Variants in OPHN1 observed in about 807,000 individuals in gnomAD.
OPHN1 encodes oligophrenin 1, also known as oligophrenin-1.
OPHN1 carries 11 observed loss-of-function variants against 60.7 expected under a neutral mutation model. The observed-to-expected ratio is 0.18, with a 90% CI of 0.11 to 0.30. OPHN1 has a LOEUF of 0.30. OPHN1 is among the 10% of genes least tolerant of loss of function. OPHN1 has a pLI of 1.00. For synonymous variants in OPHN1, 226 were observed against 222.6 expected (o/e 1.02, Z -0.14); for missense variants, 449 against 611.0 (o/e 0.73, Z 2.80).
At chrX:68,211,498 T>C (rs924239041) in intron 8 of OPHN1, among the ~76,000 whole-genome samples, 3 of 112,793 alleles carry the variant, frequency 2.7e-5, no homozygotes, top group African/African-American at 9.7e-5. Flanking sequence ...TCCAGTGCCT[T>C]TCACATGCCT....
At chrX:68,295,718 A>G (rs1481110044) in intron 3 of OPHN1, among the ~76,000 whole-genome samples, 1 of 112,196 alleles carries the variant, frequency 8.9e-6, no homozygotes, top group African/African-American at 3.2e-5. Flanking sequence ...TATTCAGGGT[A>G]AGTCCTAGAG....
intron 23 of OPHN1, among the ~76,000 whole-genome samples, chrX:68,052,159 G>A (rs1017198960): frequency 4.5e-5 from 5 of 111,068 alleles, no homozygotes; most frequent in Non-Finnish European, 7.5e-5. Context: ...GCATGATGGC[G>A]TGCACCTGTA....
intron 3 of OPHN1, among the ~76,000 whole-genome samples, chrX:68,297,059 G>T (rs2078099081): frequency 9.0e-6 from 1 of 111,061 alleles, no homozygotes; most frequent in Non-Finnish European, 1.9e-5. Flanking sequence ...TGGTGGCTTT[G>T]GTATCAATAG....
chrX:68,281,150 A>G (rs1295385328), intron 4 of OPHN1, among the ~76,000 whole-genome samples: 1 of 111,969 alleles, frequency 8.9e-6, no homozygotes, highest in Non-Finnish European at 1.9e-5. Flanking sequence ...CCTGACTTCA[A>G]TGCTTTTTAC....
rs1466016935 is a variant in OPHN1, at chrX:68,426,530, T to C, written c.154+6337A>G. On this transcript the variant is annotated intron_variant, in intron 2 of 24. Transcript: ENST00000355520. ...ACGTATATATGTGGGTTTAGTGATA[T>C]ATTTTTTTTCTGACATCTGTTTTAT... is the stretch of plus-strand genomic sequence containing the variant. 1.4e-4 allele frequency among the ~76,000 whole-genome samples: 6 copies of C among 41,860 alleles called. No homozygotes were observed. In the Admixed American group the frequency reaches 1.6e-3, roughly 11 times the overall value. The allele number at this position is 41,860 out of a possible 115,157, so 36.4% of individuals were successfully genotyped here. A position where few individuals can be genotyped will look rare whatever the true frequency, so the allele number is the denominator to read the frequency against.
chrX:68,258,015 G>A (rs1233355782), intron 5 of OPHN1, among the ~76,000 whole-genome samples: 6 of 109,497 alleles, frequency 5.5e-5, no homozygotes, highest in South Asian at 8.1e-4. Context: ...AAAGGGCACC[G>A]GGATAGGGAG....
intron 3 of OPHN1, among the ~76,000 whole-genome samples, chrX:68,284,782 A>C (rs1206012941): frequency 8.9e-6 from 1 of 111,931 alleles, no homozygotes; most frequent in Non-Finnish European, 1.9e-5. Context: ...CATTTCTCAT[A>C]AATGGAAACA....
At chrX:68,318,028 C>T (rs2078217610) in intron 2 of OPHN1, among the ~76,000 whole-genome samples, 1 of 112,179 alleles carries the variant, frequency 8.9e-6, no homozygotes, top group South Asian at 3.7e-4. Flanking sequence ...CAACACCAAG[C>T]AATCTGCCAC....
At chrX:68,053,176 C>T (rs1293431308) in intron 22 of OPHN1, among the ~76,000 whole-genome samples, 3 of 111,576 alleles carry the variant, frequency 2.7e-5, no homozygotes, top group African/African-American at 9.8e-5. Context: ...GCTCAGCTCC[C>T]ACCCTGTAAG....
chrX:68,173,505 T>C (rs2077400269), intron 15 of OPHN1, among the ~76,000 whole-genome samples: 1 of 111,309 alleles, frequency 9.0e-6, no homozygotes, highest in Admixed American at 9.6e-5. Context: ...AGAAAGACAC[T>C]TGTTCACACC....
intron 2 of OPHN1, among the ~76,000 whole-genome samples, chrX:68,304,967 A>G (rs1477461205): frequency 8.9e-6 from 1 of 112,069 alleles, no homozygotes; most frequent in Non-Finnish European, 1.9e-5. Flanking sequence ...GAATTTGTCA[A>G]AAACAATCAT....
intron 21 of OPHN1, among the ~76,000 whole-genome samples, chrX:68,058,544 G>C (rs994035634): frequency 9.0e-6 from 1 of 111,201 alleles, no homozygotes; most frequent in Non-Finnish European, 1.9e-5. Context: ...GGTAGGGACA[G>C]GTTGTGGGTT....
At chrX:68,416,067 T>TAG (rs1171250178) in intron 2 of OPHN1, among the ~76,000 whole-genome samples, 112 of 8,289 alleles carry the variant, frequency 0.014, no homozygotes, top group Non-Finnish European at 0.035. Context: ...TATATATATA[T>TAG]AGAGAGAGAG....
At chrX:68,237,959 T>G (rs2077761011) in intron 5 of OPHN1, among the ~76,000 whole-genome samples, 1 of 112,366 alleles carries the variant, frequency 8.9e-6, no homozygotes, top group South Asian at 3.7e-4. Flanking sequence ...GATTTTAGTC[T>G]TTCCCTTATG....
rs774890993 is a variant in OPHN1, at chrX:68,163,068, T to C, written c.1276+29851A>G. Among the ~76,000 whole-genome samples, 3 of 111,234 alleles carry C rather than the reference T, an allele frequency of 2.7e-5. No homozygotes were observed. In the East Asian group the frequency reaches 8.4e-4, roughly 31 times the overall value. ...GGCTTTCGCGAACTCCAACTATTTT[T>C]GTTAACAGATAAATGTACTTGAAAA... On this transcript the variant is annotated intron_variant, in intron 15 of 24. Transcript: ENST00000355520.
chrX:68,074,986 G>A (rs1320270871), intron 19 of OPHN1, among the ~76,000 whole-genome samples: 3 of 112,176 alleles, frequency 2.7e-5, no homozygotes, highest in East Asian at 2.8e-4. Context: ...ATCTTATTCC[G>A]GCCAAGATAG....
intron 2 of OPHN1, among the ~76,000 whole-genome samples, chrX:68,370,093 C>T (rs2078520512): frequency 2.0e-5 from 2 of 98,409 alleles, no homozygotes; most frequent in African/African-American, 3.9e-5. Flanking sequence ...TCTTTCAAAA[C>T]GGAAGGAGAA....
At chrX:68,063,779 C>A in intron 21 of OPHN1, 75 bp downstream of exon 21, 1 of 892,673 alleles carries the variant, frequency 1.1e-6, no homozygotes, top group Non-Finnish European at 1.5e-6. Flanking sequence ...AAATATATCT[C>A]CAAACTCAGA....
At chrX:68,144,630 T>C (rs918970809) in intron 15 of OPHN1, among the ~76,000 whole-genome samples, 2 of 112,129 alleles carry the variant, frequency 1.8e-5, no homozygotes, top group African/African-American at 6.5e-5. Flanking sequence ...TAATAAATCA[T>C]AAACTCAGAA....
Sources: allele counts gnomAD v4.1 joint callset (sites outside exome capture counted in the v4.1 genomes callset), GRCh38; gene constraint gnomAD v4.1.1; transcripts MANE v1.5; gene names NCBI Gene and HGNC (gene_info 2026-07-23, HGNC 2026-07-21).